Variants in CYBB observed in about 807,000 individuals in gnomAD.
The protein encoded by CYBB is cytochrome b-245 beta chain.
In CYBB, 5 loss-of-function variants were observed where a neutral mutation model predicts 46.5. That is an observed-to-expected ratio of 0.11 (90% CI 0.06 to 0.23). The LOEUF is 0.23. Ranked by LOEUF, CYBB falls within the 10% of genes least tolerant of loss-of-function variation. The pLI, the probability that CYBB is intolerant of heterozygous loss-of-function variation, is 1.00. For synonymous variants in CYBB, 183 were observed against 156.7 expected (o/e 1.17, Z -1.26); for missense variants, 307 against 428.3 (o/e 0.72, Z 2.50).
rs1032139834 is a variant in CYBB, at chrX:37,811,342, C to T, written c.*425C>T. ...TCCTCAAAATCAGTTTTTATATTCC[C>T]CAAAAGAAGAAGGAAACCAAGGAGT... On this transcript the variant is annotated 3_prime_UTR_variant, in exon 13 of 13. Transcript: ENST00000378588. The T allele has an allele frequency of 3.7e-5, 5 of 134,014 alleles. No individual in the cohort carries two copies. Among genetic ancestry groups the T allele is most frequent in the Non-Finnish European group, 7.4e-5 (5 of 67,272 alleles). 11.0% of individuals were successfully genotyped at this position (134,014 alleles called of 1,213,427 possible). A position where few individuals can be genotyped will look rare whatever the true frequency, so the allele number is the denominator to read the frequency against.
At chrX:37,810,248 T>G (rs1556472906) in intron 12 of CYBB, among the ~76,000 whole-genome samples, 1 of 112,030 alleles carries the variant, frequency 8.9e-6, no homozygotes, top group Non-Finnish European at 1.9e-5. Flanking sequence ...TTTTGCACTG[T>G]AAGGAGCATA....
At chrX:37,780,751 G>A (rs1602173748) in intron 1 of CYBB, among the ~76,000 whole-genome samples, 1 of 108,927 alleles carries the variant, frequency 9.2e-6, no homozygotes, top group East Asian at 2.8e-4. Context: ...AATCAATATA[G>A]TCTGGAGAAA....
rs940360452 is a variant in CYBB, at chrX:37,812,339, C to T, written c.*1422C>T. 2.7e-5 allele frequency: 3 copies of T among 111,271 alleles called. No homozygotes were observed. Among genetic ancestry groups the T allele is most frequent in the Non-Finnish European group, 3.8e-5 (2 of 53,088 alleles). 9.2% of individuals were successfully genotyped at this position (111,271 alleles called of 1,213,427 possible). A position where few individuals can be genotyped will look rare whatever the true frequency, so the allele number is the denominator to read the frequency against. Reference sequence around the variant, plus strand: ...CTTGGAGCCACAAATGTTTAGAACTCTTCAACTTCGGTAATGAGGAAGAAG... The same window carrying T: ...CTTGGAGCCACAAATGTTTAGAACTTTTCAACTTCGGTAATGAGGAAGAAG... On this transcript the variant is annotated 3_prime_UTR_variant, in exon 13 of 13. Coordinates refer to ENST00000378588, the MANE Select transcript of CYBB (RefSeq NM_000397.4).
chrX:37,810,815 T>C lies in CYBB; in HGVS notation c.1611T>C (p.Cys537=). ...GTACCAGAATAGGAGTTTTCCTCTG[T>C]GGACCTGAAGCCTTGGCTGAAACCC... ...HPNTRIGVFL[C]GPEALAETLS... Residue 537 remains cysteine, a synonymous_variant, in exon 13 of 13, where the codon TGT becomes TGC. Coordinates refer to ENST00000378588, the MANE Select transcript of CYBB (RefSeq NM_000397.4). 1 of 1,209,241 alleles carries C rather than the reference T, an allele frequency of 8.3e-7. No homozygotes were observed. The highest frequency in any genetic ancestry group is 1.1e-6 in the Non-Finnish European group (1 of 893,446).
intron 1 of CYBB, 63 bp from the exon 2 acceptor site, chrX:37,782,025 A>G: frequency 1.1e-6 from 1 of 936,169 alleles, no homozygotes; most frequent in Non-Finnish European, 1.6e-6. Flanking sequence ...ATCTGACTCC[A>G]GTCTTGTGTG....
chrX:37,794,075 G>A (rs1929252073), intron 5 of CYBB, among the ~76,000 whole-genome samples: 1 of 111,481 alleles, frequency 9.0e-6, no homozygotes, highest in African/African-American at 3.3e-5. Context: ...AGTAACTCAG[G>A]CTTACCTGTG....
intron 2 of CYBB, 123 bp from the exon 3 acceptor site, chrX:37,783,367 T>C (rs1928994773): frequency 1.9e-6 from 1 of 531,449 alleles, no homozygotes; most frequent in African/African-American, 2.3e-5. Context: ...CTGAAGGACC[T>C]TCCTGTACAG....
At chrX:37,809,204 G>A (rs1556472528) in intron 11 of CYBB, among the ~76,000 whole-genome samples, 1 of 111,841 alleles carries the variant, frequency 8.9e-6, no homozygotes, top group African/African-American at 3.2e-5. Context: ...GTCAAACATA[G>A]AGCAGAGAGA....
chrX:37,791,031 T>G (rs911729946), intron 3 of CYBB, among the ~76,000 whole-genome samples: 1 of 111,645 alleles, frequency 9.0e-6, no homozygotes, highest in Non-Finnish European at 1.9e-5. Context: ...TTCTAACATA[T>G]GTAGGTTCGT....
chrX:37,789,380 T>C (rs1176129100), intron 3 of CYBB, among the ~76,000 whole-genome samples: 1 of 109,404 alleles, frequency 9.1e-6, no homozygotes, highest in African/African-American at 3.3e-5. Flanking sequence ...ATATAAGTCA[T>C]TGGGGGTCAT....
chrX:37,808,027 G>C (rs1185013194), intron 11 of CYBB, among the ~76,000 whole-genome samples: 1 of 112,431 alleles, frequency 8.9e-6, no homozygotes, highest in Admixed American at 9.4e-5. Context: ...ACTTGGCCTG[G>C]AAGCAGCATA....
At chrX:37,781,947 C>G (rs1209268614) in intron 1 of CYBB, 141 bp from the exon 2 acceptor site, 1 of 523,697 alleles carries the variant, frequency 1.9e-6, no homozygotes, top group Non-Finnish European at 3.4e-6. Context: ...AGAGCTGGCT[C>G]TAAGCTGGTT....
chrX:37,781,472 C>T (rs1192395365), intron 1 of CYBB, among the ~76,000 whole-genome samples: 2 of 112,288 alleles, frequency 1.8e-5, no homozygotes, highest in Non-Finnish European at 3.8e-5. Context: ...GTAGTGTGAC[C>T]ACTTGATCCA....
In CYBB at chrX:37,799,034, G is replaced by A; in HGVS notation, c.754G>A (p.Gly252Arg). ...TTGTGAACAAAAAATCTCAGAATGG[G>A]GAAAAATAAAGGAATGCCCAATCCC... The part of the protein sequence containing the change: ...TVCEQKISEW[G>R]KIKECPIPQF... The change falls in exon 7 of 13, where the codon GGA (glycine) becomes AGA (arginine). Residue 252 changes from glycine to arginine, a missense_variant. Around this residue, in one of 3 missense-constraint regions of CYBB, gnomAD observed 82 missense variants for 69.9 expected, o/e 1.17. Transcript: ENST00000378588. The A allele has an allele frequency of 8.3e-7, 1 of 1,208,519 alleles. No homozygotes were observed.
intron 7 of CYBB, 110 bp downstream of exon 7, chrX:37,799,194 G>A: frequency 2.6e-6 from 2 of 759,203 alleles, no homozygotes; most frequent in Non-Finnish European, 4.0e-6. Flanking sequence ...CATTACAAAT[G>A]TCATGGAACA....
intron 9 of CYBB, among the ~76,000 whole-genome samples, 186 bp downstream of exon 9, chrX:37,804,316 G>A (rs1929507473): frequency 9.0e-6 from 1 of 111,657 alleles, no homozygotes; most frequent in Non-Finnish European, 1.9e-5. Flanking sequence ...TAAATCTTAT[G>A]TGAAATATGA....
In CYBB at chrX:37,790,510, G is replaced by A. The variant is rs1172711978; in HGVS notation, c.253-1465G>A. ...TGCATTAAATGAGTAATGATTATGG[G>A]TAAACTACCTAGTTCACAGAAGGAA... On this transcript the variant is annotated intron_variant, in intron 3 of 12. Transcript: ENST00000378588. Among the ~76,000 whole-genome samples the A allele has an allele frequency of 5.4e-5, 6 of 111,876 alleles. No homozygotes were observed. The South Asian group carries it at 2.2e-3, about 41-fold the overall frequency.
In CYBB at chrX:37,809,686, C is replaced by T. The variant is rs781915934; in HGVS notation, c.1581C>T (p.His527=). 30 of 1,207,715 alleles carry T rather than the reference C, an allele frequency of 2.5e-5. No homozygotes were observed. The highest frequency in any genetic ancestry group is 4.6e-4 in the Middle Eastern group (2 of 4,349). ...DNEFKTIASQ[H]PNTRIGVFLC... ...AATTCAAGACAATTGCAAGTCAACA[C>T]CCTAAGTAAGGAGTCTGTCACCAAG... The change falls in exon 12 of 13, where the codon CAC becomes CAT. Residue 527 remains histidine (H), a synonymous_variant. Transcript: ENST00000378588.
rs782197581 is a variant in CYBB, at chrX:37,794,242, G to A, written c.483+432G>A. ...TTTAGAATTTAGGATTCTGTTAGAT[G>A]GTTTGGGGGAGGATTTAAGAATGCA... is the stretch of plus-strand genomic sequence containing the variant. On this transcript the variant is annotated intron_variant, in intron 5 of 12. Coordinates refer to ENST00000378588, the MANE Select transcript of CYBB (RefSeq NM_000397.4). Among the ~76,000 whole-genome samples, 11 of 112,112 alleles carry A rather than the reference G, an allele frequency of 9.8e-5. No individual in the cohort carries two copies. The East Asian group carries it at 3.1e-3, about 32-fold the overall frequency.
Sources: allele counts gnomAD v4.1 joint callset (sites outside exome capture counted in the v4.1 genomes callset), GRCh38; gene constraint gnomAD v4.1.1; regional missense constraint gnomAD v4.1.1; transcripts MANE v1.5; gene names NCBI Gene and HGNC (gene_info 2026-07-23, HGNC 2026-07-21).